Variants in PRDX3 observed in about 807,000 individuals in gnomAD.
PRDX3 encodes peroxiredoxin 3, also known as thioredoxin-dependent peroxide reductase, mitochondrial.
A neutral mutation model predicts 30.4 loss-of-function variants in PRDX3; 20 were observed. The observed-to-expected ratio is 0.66, with a 90% CI of 0.46 to 0.96. PRDX3 has a LOEUF of 0.96. PRDX3 is among the 40% of genes least tolerant of loss of function. The pLI, the probability that PRDX3 is intolerant of heterozygous loss-of-function variation, is 0.00. For synonymous variants in PRDX3, 124 were observed against 117.8 expected, an observed-to-expected ratio of 1.05 and a Z score of -0.34; for missense variants, 322 against 318.3, an observed-to-expected ratio of 1.01 and a Z score of -0.09.
In PRDX3 at chr10:119,178,763, G is replaced by C; in HGVS notation, c.28C>G (p.Arg10Gly). 6.4e-7 allele frequency: 1 copy of C among 1,552,676 alleles called. No homozygotes were observed. The highest frequency in any genetic ancestry group is 8.7e-7 in the Non-Finnish European group (1 of 1,148,118). Residue 10 changes from arginine (R) to glycine (G), a missense_variant, in exon 1 of 7, where the codon CGA becomes GGA. Transcript: ENST00000298510. MAAAVGRLL[R>G]ASVARHVSAI... ...AGCCGACAGCCACTCACCGACGCTC[G>C]GAGCAACCGTCCTACAGCAGCCGCC...
At chr10:119,169,450 AGCGT>A in intron 5 of PRDX3, 108 bp from the exon 6 acceptor site, 5 of 980,318 alleles carry the variant, frequency 5.1e-6, no homozygotes, top group Non-Finnish European at 7.3e-6. Context: ...ATATTTATTA[AGCGT>A]AATCATATGC....
chr10:119,174,616 T>G, intron 2 of PRDX3, 24 bp from the exon 3 acceptor site: 1 of 1,557,594 alleles, frequency 6.4e-7, no homozygotes, highest in Non-Finnish European at 8.6e-7. Context: ...CACACTCATA[T>G]GGAGTTCATC....
At chr10:119,174,078 A>C (rs928142108) in intron 3 of PRDX3, among the ~76,000 whole-genome samples, 3 of 152,246 alleles carry the variant, frequency 2.0e-5, no homozygotes, top group African/African-American at 7.2e-5. Flanking sequence ...AAAATGGGGA[A>C]AGGGAACACA....
rs955853653 is a variant in PRDX3 at position 119,168,176 on chromosome 10, A to G, written c.*304T>C. 3 of 333,676 alleles carry G rather than the reference A, an allele frequency of 9.0e-6. No homozygotes were observed. The highest frequency in any genetic ancestry group is 1.0e-4 in the Admixed American group (2 of 19,574). 20.7% of individuals were successfully genotyped at this position (333,676 alleles called of 1,614,324 possible). ...AGGCAAGATTCAAGTAAGGCTAAGA[A>G]AGAAGAGTGTTTCCATTGAGACATG... On this transcript the variant is annotated 3_prime_UTR_variant, in exon 7 of 7. Transcript: ENST00000298510.
intron 1 of PRDX3, among the ~76,000 whole-genome samples, chr10:119,177,693 C>A (rs902214690): frequency 2.0e-5 from 3 of 149,730 alleles, no homozygotes; most frequent in African/African-American, 7.4e-5. Context: ...GCGCTTAAAG[C>A]AACACAGGGT....
intron 2 of PRDX3, 94 bp downstream of exon 2, chr10:119,176,927 T>G (rs1848041991): frequency 6.6e-6 from 10 of 1,509,920 alleles, no homozygotes; most frequent in Non-Finnish European, 9.0e-6. Context: ...CCCAGGTGAC[T>G]CTAACGTTTG....
rs746480491 is a variant in PRDX3, at chr10:119,169,276, G to A, written c.618C>T (p.Gly206=). 3.1e-6 allele frequency: 5 copies of A among 1,613,840 alleles called. No individual in the cohort carries two copies. The African/African-American group carries it at 4.0e-5, about 13-fold the overall frequency. ...AGCGGAGGGTTTCTTCCACGCTTCG[G>A]CCCACTGGGAGATCGTTGACGCTCA... ...KHLSVNDLPV[G]RSVEETLRLV... Residue 206 remains glycine, a synonymous_variant, in exon 6 of 7, where the codon GGC becomes GGT. Coordinates refer to ENST00000298510, the MANE Select transcript of PRDX3 (RefSeq NM_006793.5).
At chr10:119,168,554 T>C in intron 6 of PRDX3, 21 bp from the exon 7 acceptor site, 3 of 1,613,070 alleles carry the variant, frequency 1.9e-6, no homozygotes, top group Non-Finnish European at 2.5e-6. Context: ...AAAAGCTTAA[T>C]TAGGTAACTG....
intron 6 of PRDX3, 75 bp downstream of exon 6, chr10:119,169,102 T>G: frequency 3.3e-6 from 5 of 1,516,934 alleles, no homozygotes; most frequent in Non-Finnish European, 4.5e-6. Flanking sequence ...GGCTCCCTTT[T>G]GTGGATATTT....
rs1398245510 is a variant in PRDX3, at chr10:119,178,804, G to T, written c.-14C>A. On this transcript the variant is annotated 5_prime_UTR_variant, in exon 1 of 7. Transcript: ENST00000298510. ...AGCAGCCGCCATCTTCAGTGCACTC[G>T]GGCGCCACGGGGCGGGCAGAGACGC... The T allele has an allele frequency of 6.4e-7, 1 of 1,551,332 alleles. No homozygotes were observed.
chr10:119,171,411 T>C (rs7076209), intron 5 of PRDX3, among the ~76,000 whole-genome samples: 67,270 of 151,966 alleles, frequency 0.44, 16,830 homozygotes, highest in Non-Finnish European at 0.55. Flanking sequence ...GGGGATCCCC[T>C]CTCTTCCTTC....
chr10:119,172,085 C>T (rs10749295), intron 5 of PRDX3, among the ~76,000 whole-genome samples: 151,693 of 152,344 alleles, frequency 1, 75,527 homozygotes, highest in East Asian at 1. Flanking sequence ...GGAGGCATTT[C>T]ATCAGTGTTT....
Position 119,174,534 on chromosome 10 carries a change from G to T in PRDX3, c.228C>A (p.Ala76=), listed in dbSNP as rs11554921. 6.2e-7 allele frequency: 1 copy of T among 1,611,782 alleles called. No individual in the cohort carries two copies. Among genetic ancestry groups the T allele is most frequent in the Non-Finnish European group, 8.5e-7 (1 of 1,179,450 alleles). ...TQHAPYFKGT[A]VVNGEFKDLS... ...GGTCTTTGAACTCTCCATTGACAACGGCTGTACCCTTAAAATAGGGTGCAT... is the reference window on the plus strand; with the variant it reads ...GGTCTTTGAACTCTCCATTGACAACTGCTGTACCCTTAAAATAGGGTGCAT... Residue 76 remains alanine (A), a synonymous_variant, in exon 3 of 7, where the codon GCC becomes GCA. Coordinates refer to ENST00000298510, the MANE Select transcript of PRDX3 (RefSeq NM_006793.5).
At chr10:119,173,927 C>T (rs1334769829) in intron 3 of PRDX3, 55 bp from the exon 4 acceptor site, 1 of 1,551,102 alleles carries the variant, frequency 6.4e-7, no homozygotes, top group East Asian at 2.3e-5. Flanking sequence ...AGGATTTTAA[C>T]AATTAGTGGT....
intron 5 of PRDX3, among the ~76,000 whole-genome samples, chr10:119,171,834 T>A (rs1291734570): frequency 1.3e-5 from 2 of 152,170 alleles, no homozygotes; most frequent in African/African-American, 4.8e-5. Flanking sequence ...GATTGTTTGG[T>A]TCCAGGGCTG....
Position 119,172,418 on chromosome 10 carries a change from T to C in PRDX3, c.515A>G (p.Tyr172Cys). ...SDLTKQISRD[Y>C]GVLLEGSGLA... ...ACCAGAACCTTCTAACAGCACACCGTAGTCTCGGGAAATCTGCTTAGTTAA... is the reference window on the plus strand; with the variant it reads ...ACCAGAACCTTCTAACAGCACACCGCAGTCTCGGGAAATCTGCTTAGTTAA... The change falls in exon 5 of 7, where the codon TAC becomes TGC. Residue 172 changes from tyrosine to cysteine, a missense_variant. By Grantham distance (194) the Tyr-to-Cys change is radical (BLOSUM62 -2). Transcript: ENST00000298510. 1.2e-6 allele frequency: 2 copies of C among 1,614,118 alleles called. No homozygotes were observed. Among genetic ancestry groups the C allele is most frequent in the African/African-American group, 1.3e-5 (1 of 75,070 alleles).
Position 119,168,527 on chromosome 10 carries a change from G to T in PRDX3, c.724C>A (p.Pro242Thr), listed in dbSNP as rs766855418. The T allele has an allele frequency of 2.2e-5, 36 of 1,613,484 alleles. No homozygotes were observed. The highest frequency in any genetic ancestry group is 3.0e-5 in the Non-Finnish European group (35 of 1,179,924). ...TACTCTTTGGAAGCAGCTGGACTTG[G>T]CTTGATCTGAAAATACAAAAGCTTA... is the stretch of plus-strand genomic sequence containing the variant. ...NWTPDSPTIK[P>T]SPAASKEYFQ... Residue 242 changes from proline to threonine, a missense_variant, in exon 7 of 7, where the codon CCA becomes ACA. By Grantham distance (38) the Pro-to-Thr change is conservative. Transcript: ENST00000298510.
At chr10:119,171,705 G>A (rs756079518) in intron 5 of PRDX3, among the ~76,000 whole-genome samples, 3 of 152,104 alleles carry the variant, frequency 2.0e-5, no homozygotes, top group African/African-American at 4.8e-5. Context: ...CACCTGTGAC[G>A]TACCACCTCA....
chr10:119,178,265 CCA>C (rs1848088937), intron 1 of PRDX3, among the ~76,000 whole-genome samples: 1 of 152,188 alleles, frequency 6.6e-6, no homozygotes, highest in Non-Finnish European at 1.5e-5. Context: ...GACGCATTGC[CCA>C]CAGTTAAGCA....
Sources: gnomAD v4.1 joint callset for allele counts (sites outside exome capture counted in the v4.1 genomes callset) on GRCh38, gnomAD v4.1.1 for gene constraint, MANE v1.5 for transcripts, NCBI Gene and HGNC (gene_info 2026-07-23, HGNC 2026-07-21) for gene names.